RIC8B: variants seen among roughly 807,000 people sequenced by gnomAD.
RIC8B encodes RIC8 guanine nucleotide exchange factor B.
In RIC8B, 16 loss-of-function variants were observed where a neutral mutation model predicts 57.5. The observed-to-expected ratio is 0.28, with a 90% confidence interval of 0.19 to 0.42. RIC8B has a LOEUF of 0.42. RIC8B is among the 10% of genes least tolerant of loss of function. The pLI is 1.00. For missense variants in RIC8B, 481 were observed against 677.0 expected (o/e 0.71, Z 3.21); for synonymous variants, 216 against 250.8 (o/e 0.86, Z 1.31).
Position 106,814,841 on chromosome 12 carries a change from T to C in RIC8B, c.278T>C (p.Leu93Pro), listed in dbSNP as rs1478249957. ...VTTKENMQIL[L>P]RLAKLNELDD... ...ACTAAGGAAAATATGCAGATACTGC[T>C]GCGACTAGCCAAGCTAAATGAGTTA... is the stretch of plus-strand genomic sequence containing the variant. The change falls in exon 3 of 10, where the codon CTG (leucine) becomes CCG (proline). Residue 93 changes from leucine to proline, a missense_variant. This residue lies in a region of RIC8B where 421 missense variants were observed against 560.9 expected (regional missense o/e 0.75). Transcript: ENST00000392837. 1 of 1,614,126 alleles carries C rather than the reference T, an allele frequency of 6.2e-7. No homozygotes were observed.
chr12:106,872,206 C>T (rs956235184), intron 9 of RIC8B, among the ~76,000 whole-genome samples: 1 of 152,130 alleles, frequency 6.6e-6, no homozygotes, highest in Non-Finnish European at 1.5e-5. Flanking sequence ...AGAAATGTTC[C>T]CTCCCAGAAG....
At chr12:106,852,670 AC>A (rs1395467293) in intron 7 of RIC8B, among the ~76,000 whole-genome samples, 2 of 152,232 alleles carry the variant, frequency 1.3e-5, no homozygotes, top group Middle Eastern at 3.2e-3. Context: ...CCTTTCAATA[AC>A]ATGTCACACA....
At chr12:106,851,355 C>A in intron 6 of RIC8B, 95 bp from the exon 7 acceptor site, 1 of 804,304 alleles carries the variant, frequency 1.2e-6, no homozygotes, top group African/African-American at 1.9e-5. Context: ...AATACAAACC[C>A]CAGTAGACAT....
chr12:106,775,574 C>G, intron 1 of RIC8B: 1 of 312,670 alleles, frequency 3.2e-6, no homozygotes, highest in Non-Finnish European at 6.4e-6. Flanking sequence ...GGTTAAGTAA[C>G]TTGCCCAAGG....
At position 106,842,581 on chromosome 12, in the gene RIC8B, C is replaced by T; in HGVS notation, c.837-8C>T. The T allele has an allele frequency of 6.2e-7, 1 of 1,600,572 alleles. No individual in the cohort carries two copies. Among genetic ancestry groups the T allele is most frequent in the Non-Finnish European group, 8.5e-7 (1 of 1,170,514 alleles). On this transcript the variant is annotated splice_polypyrimidine_tract_variant and splice_region_variant and intron_variant, in intron 4 of 9. Coordinates refer to ENST00000392837, the MANE Select transcript of RIC8B (RefSeq NM_001330145.2). The stretch of plus-strand genomic sequence containing the variant: ...TTAAAATATTGTATTTTTTTAATTG[C>T]TTTTCAGCAATGCAGTCAACCTTTT...
intron 6 of RIC8B, 78 bp from the exon 7 acceptor site, chr12:106,851,372 A>T (rs1477212024): frequency 1.7e-6 from 2 of 1,183,496 alleles, no homozygotes; most frequent in Non-Finnish European, 1.2e-6. Flanking sequence ...ACATTACAAG[A>T]CTGGCCAGTT....
intron 9 of RIC8B, 165 bp downstream of exon 9, chr12:106,871,107 T>G (rs1331147701): frequency 1.9e-6 from 1 of 525,864 alleles, no homozygotes; most frequent in Non-Finnish European, 3.2e-6. Flanking sequence ...ACCATGGTTT[T>G]TCTACATGTG....
At chr12:106,841,499 A>G (rs1239277494) in intron 4 of RIC8B, among the ~76,000 whole-genome samples, 32 of 152,294 alleles carry the variant, frequency 2.1e-4, no homozygotes, top group East Asian at 5.8e-4. Flanking sequence ...GGGTGTCACT[A>G]TAATCTAAAG....
At chr12:106,883,692 C>G (rs1191198489) in intron 9 of RIC8B, among the ~76,000 whole-genome samples, 1 of 145,324 alleles carries the variant, frequency 6.9e-6, no homozygotes, top group Non-Finnish European at 1.5e-5. Context: ...CTGTCTGTCT[C>G]CTCCCCCACA....
chr12:106,874,558 G>A, intron 9 of RIC8B: 1 of 1,550,812 alleles, frequency 6.4e-7, no homozygotes, highest in Non-Finnish European at 8.7e-7. Flanking sequence ...CCAAAGTGAT[G>A]ATGACTAAGG....
At chr12:106,869,105 A>G (rs1469119581) in intron 8 of RIC8B, among the ~76,000 whole-genome samples, 4 of 151,846 alleles carry the variant, frequency 2.6e-5, no homozygotes, top group Admixed American at 6.6e-5. Flanking sequence ...ACTTTTGTCT[A>G]TTTTATATAT....
chr12:106,776,545 G>A (rs191230835), intron 1 of RIC8B, among the ~76,000 whole-genome samples: 8 of 152,118 alleles, frequency 5.3e-5, no homozygotes, highest in Admixed American at 1.3e-4. Context: ...ATATAATCAC[G>A]TTCTTTAATA....
chr12:106,885,667 T>A (rs948537579), intron 9 of RIC8B, among the ~76,000 whole-genome samples: 3 of 152,188 alleles, frequency 2.0e-5, no homozygotes, highest in African/African-American at 7.2e-5. Context: ...ATACTTTTAA[T>A]TGGCTTAGTA....
At chr12:106,826,651 G>A (rs879612001) in intron 4 of RIC8B, among the ~76,000 whole-genome samples, 26 of 152,176 alleles carry the variant, frequency 1.7e-4, no homozygotes, top group Non-Finnish European at 2.6e-4. Flanking sequence ...AGCTACTCGG[G>A]AAGCCGAGGC....
chr12:106,815,113 T>G lies in RIC8B; in HGVS notation c.550T>G (p.Tyr184Asp). 1.2e-6 allele frequency: 2 copies of G among 1,614,266 alleles called. No homozygotes were observed. The highest frequency in any genetic ancestry group is 1.7e-6 in the Non-Finnish European group (2 of 1,180,042). Residue 184 changes from tyrosine to aspartate, a missense_variant, in exon 3 of 10, where the codon TAT becomes GAT. Coordinates refer to ENST00000392837, the MANE Select transcript of RIC8B (RefSeq NM_001330145.2). Reference sequence around the variant, plus strand: ...CACCGACATCAGGTCACAATTGCGCTATGAGCTCCAGGGACTACCGCTGCT... The same window carrying G: ...CACCGACATCAGGTCACAATTGCGCGATGAGCTCCAGGGACTACCGCTGCT... Reference protein sequence around the residue: ...LHTDIRSQLRYELQGLPLLTQ... With the variant: ...LHTDIRSQLRDELQGLPLLTQ...
At chr12:106,844,840 G>C (rs1392293366) in intron 6 of RIC8B, among the ~76,000 whole-genome samples, 2 of 151,966 alleles carry the variant, frequency 1.3e-5, no homozygotes, top group Non-Finnish European at 2.9e-5. Flanking sequence ...GGTTGAAAAA[G>C]AAAAAATAAG....
At chr12:106,824,999 A>T (rs1013012391) in intron 3 of RIC8B, among the ~76,000 whole-genome samples, 1 of 152,284 alleles carries the variant, frequency 6.6e-6, no homozygotes, top group East Asian at 1.9e-4. Context: ...GCTCTCTATC[A>T]CAATTGTCTC....
intron 4 of RIC8B, among the ~76,000 whole-genome samples, chr12:106,829,326 T>G (rs567174889): frequency 2.0e-4 from 30 of 152,204 alleles, no homozygotes; most frequent in African/African-American, 7.2e-4. Context: ...TGGCATGTGG[T>G]TGTGGTTTTA....
chr12:106,851,331 TTTTTTG>T, intron 6 of RIC8B, 113 bp from the exon 7 acceptor site: 4 of 404,686 alleles, frequency 9.9e-6, no homozygotes, highest in Non-Finnish European at 7.8e-6. Flanking sequence ...TTTTTTTTTT[TTTTTTG>T]CTCCTACAAT....
Sources: gnomAD v4.1 joint callset for allele counts (sites outside exome capture counted in the v4.1 genomes callset) on GRCh38, gnomAD v4.1.1 for gene constraint, gnomAD v4.1.1 regional missense constraint, MANE v1.5 for transcripts, NCBI Gene and HGNC (gene_info 2026-07-23, HGNC 2026-07-21) for gene names.